CDC23: variants seen among roughly 807,000 people sequenced by gnomAD.
CDC23 encodes cell division cycle protein 23 homolog.
CDC23 carries 26 observed loss-of-function variants against 81.7 expected under a neutral mutation model. The observed-to-expected ratio is 0.32, with a 90% CI of 0.23 to 0.44. The LOEUF (loss-of-function observed/expected upper bound fraction) is 0.44. CDC23 is among the 20% of genes least tolerant of loss of function. The pLI is 1.00. For synonymous variants in CDC23, 267 were observed against 270.8 expected, an observed-to-expected ratio of 0.99 and a Z score of 0.14; for missense variants, 519 against 728.0, an observed-to-expected ratio of 0.71 and a Z score of 3.30.
chr5:138,192,730 TC>T (rs1754840378), intron 9 of CDC23, 73 bp from the exon 10 acceptor site: 13 of 1,373,370 alleles, frequency 9.5e-6, no homozygotes, highest in Admixed American at 2.0e-5. Context: ...TAGATAGCAT[TC>T]CACCAAATGG....
At chr5:138,196,518 A>C (rs569035341) in intron 9 of CDC23, among the ~76,000 whole-genome samples, 6 of 150,948 alleles carry the variant, frequency 4.0e-5, no homozygotes, top group African/African-American at 1.5e-4. Context: ...CGAACTCCTG[A>C]CCTTATGATC....
intron 6 of CDC23, chr5:138,200,801 A>G: frequency 3.9e-6 from 1 of 256,624 alleles, no homozygotes. Flanking sequence ...GCCTAGATGA[A>G]AGAGCAAGAC....
Position 138,192,415 on chromosome 5 carries a change from A to G in CDC23, c.1167-27T>C, listed in dbSNP as rs1248099053. The G allele has an allele frequency of 1.9e-6, 3 of 1,614,166 alleles. No individual in the cohort carries two copies. The East Asian group carries it at 6.7e-5, about 36-fold the overall frequency. On this transcript the variant is annotated intron_variant, in intron 10 of 15. Transcript: ENST00000394886. Reference sequence around the variant, plus strand: ...TAAGAAATGGAAAAGACAGGTTGTTAAGAAGGCAGAATCAAGGTTGGCAAC... The same window carrying G: ...TAAGAAATGGAAAAGACAGGTTGTTGAGAAGGCAGAATCAAGGTTGGCAAC...
At chr5:138,197,497 T>C (rs1561634897) in intron 9 of CDC23, among the ~76,000 whole-genome samples, 1 of 144,960 alleles carries the variant, frequency 6.9e-6, no homozygotes, top group African/African-American at 2.6e-5. Flanking sequence ...ACATATTTAT[T>C]TTTTTTTTTT....
chr5:138,201,059 C>T (rs2231475), intron 6 of CDC23, 48 bp downstream of exon 6: 3 of 1,598,132 alleles, frequency 1.9e-6, no homozygotes, highest in Admixed American at 3.5e-5. Flanking sequence ...TACAGAATTA[C>T]AAAAGGCTTG....
At chr5:138,205,524 G>C (rs1755038107) in intron 3 of CDC23, among the ~76,000 whole-genome samples, 1 of 151,982 alleles carries the variant, frequency 6.6e-6, no homozygotes, top group Admixed American at 6.6e-5. Flanking sequence ...GGTTGCCAAG[G>C]GGTCCACCTT....
chr5:138,211,477 C>G (rs1755112540), intron 2 of CDC23, among the ~76,000 whole-genome samples: 1 of 152,120 alleles, frequency 6.6e-6, no homozygotes, highest in Admixed American at 6.6e-5. Context: ...GCCTGGTAAA[C>G]AGGGTGAAAC....
intron 2 of CDC23, 100 bp from the exon 3 acceptor site, chr5:138,206,784 G>T: frequency 8.7e-7 from 1 of 1,149,098 alleles, no homozygotes; most frequent in Non-Finnish European, 1.2e-6. Flanking sequence ...AAAGAAAAAG[G>T]ATTGTTTTCT....
chr5:138,199,156 G>A lies in CDC23; in HGVS notation c.655-374C>T, dbSNP rs532739826. ...GGACAAAGAAACTAGCTTGGTTTGC[G>A]GGGAGGCTATGTACTGGGAAGTAGC... On this transcript the variant is annotated intron_variant, in intron 6 of 15. Transcript: ENST00000394886. Among the ~76,000 whole-genome samples the A allele has an allele frequency of 8.5e-5, 13 of 152,290 alleles. No individual in the cohort carries two copies. In the South Asian group the frequency reaches 2.1e-3, roughly 24 times the overall value.
chr5:138,213,271 C>T lies in CDC23; in HGVS notation c.42G>A (p.Ala14=). 1.3e-5 allele frequency: 21 copies of T among 1,614,078 alleles called. No individual in the cohort carries two copies. Among genetic ancestry groups the T allele is most frequent in the Non-Finnish European group, 1.7e-5 (20 of 1,180,042 alleles). ...TTATGGACAGGACAGGCGCCACTGC[C>T]GCCGTCACAGCCACCGGGACCATGG... ...STSMVPVAVT[A]AVAPVLSINS... Residue 14 remains alanine, a synonymous_variant, in exon 1 of 16, where the codon GCG becomes GCA. Transcript: ENST00000394886.
chr5:138,211,479 GGGTGAAACCCTGTC>G (rs1262329849), intron 2 of CDC23, among the ~76,000 whole-genome samples: 2 of 152,074 alleles, frequency 1.3e-5, no homozygotes, highest in African/African-American at 4.8e-5. Context: ...CTGGTAAACA[GGGTGAAACCCTGTC>G]CCTACTAAAA....
intron 13 of CDC23, 62 bp from the exon 14 acceptor site, chr5:138,189,968 AG>A: frequency 6.8e-7 from 1 of 1,480,108 alleles, no homozygotes. Context: ...TGATAAAAAA[AG>A]TAAAAGTACA....
chr5:138,197,409 T>TA (rs1012184406), intron 9 of CDC23, among the ~76,000 whole-genome samples: 3 of 150,400 alleles, frequency 2.0e-5, no homozygotes, highest in African/African-American at 4.9e-5. Flanking sequence ...ATCATTAAGT[T>TA]AAAAAAAAGG....
chr5:138,201,119 T>C lies in CDC23; in HGVS notation c.642A>G (p.Thr214=), dbSNP rs568375255. 14 of 1,613,790 alleles carry C rather than the reference T, an allele frequency of 8.7e-6. No individual in the cohort carries two copies. In the South Asian group the frequency reaches 1.5e-4, roughly 18 times the overall value. ...CATCACAATTTACCATCTCTTTGTC[T>C]GTGATCAGGTTACAGAGTTCTAACC... is the stretch of plus-strand genomic sequence containing the variant. ...GAWLELCNLI[T]DKEMLKFLSL... The change falls in exon 6 of 16, where the codon ACA becomes ACG. Residue 214 remains threonine, a synonymous_variant. Transcript: ENST00000394886.
chr5:138,206,241 C>A, intron 3 of CDC23: 1 of 448,158 alleles, frequency 2.2e-6, no homozygotes, highest in Non-Finnish European at 3.9e-6. Context: ...ATTTAAAAGT[C>A]AGCCCAGGCT....
chr5:138,189,019 G>A lies in CDC23; in HGVS notation c.1753C>T (p.Arg585Cys), dbSNP rs768545579. 23 of 1,613,996 alleles carry A rather than the reference G, an allele frequency of 1.4e-5. No individual in the cohort carries two copies. The Admixed American group carries it at 1.8e-4, about 13-fold the overall frequency. ...ASLSANNTPTRRVSPLNLSSV... is the reference protein window; with the variant it reads ...ASLSANNTPTCRVSPLNLSSV... ...GACAAGTTGAGTGGAGAAACTCTGC[G>A]TGTGGGGGTATTGTTAGCAGAGAGT... Residue 585 changes from arginine to cysteine, a missense_variant, in exon 16 of 16, where the codon CGC (arginine) becomes TGC (cysteine). Arg to Cys is a radical substitution (Grantham distance 180). This residue lies in a region of CDC23 where 38 missense variants were observed against 34.7 expected (regional missense o/e 1.10). Coordinates refer to ENST00000394886, the MANE Select transcript of CDC23 (RefSeq NM_004661.4).
chr5:138,192,159 TCC>T, intron 11 of CDC23, 108 bp downstream of exon 11: 1 of 1,381,364 alleles, frequency 7.2e-7, no homozygotes, highest in Admixed American at 2.2e-5. Flanking sequence ...TAACCTCAGA[TCC>T]CCAAGAGCCA....
Position 138,192,313 on chromosome 5 carries a change from C to T in CDC23, c.1242G>A (p.Met414Ile). 1 of 1,614,152 alleles carries T rather than the reference C, an allele frequency of 6.2e-7. No homozygotes were observed. The highest frequency in any genetic ancestry group is 8.5e-7 in the Non-Finnish European group (1 of 1,180,020). Residue 414 changes from methionine to isoleucine, a missense_variant, in exon 11 of 16, where the codon ATG becomes ATA. Physicochemically the swap from Met to Ile is conservative, Grantham distance 10. Around this residue, in one of 4 missense-constraint regions of CDC23, gnomAD observed 175 missense variants for 337.8 expected, o/e 0.52. Transcript: ENST00000394886. ...GLGQTYEILK[M>I]PFYCLYYYRR... is the part of the protein sequence containing the mutation. The stretch of plus-strand genomic sequence containing the variant: ...TATAATAATAAAGGCAGTAAAATGG[C>T]ATCTTAAGGATTTCATAGGTCTGCC...
intron 2 of CDC23, among the ~76,000 whole-genome samples, chr5:138,209,430 A>AAAAAGAAAAG (rs562522195): frequency 1.6e-3 from 244 of 151,184 alleles, no homozygotes; most frequent in African/African-American, 5.8e-3. Context: ...TCAAAAAAAA[A>AAAAAGAAAAG]AAAAGAAAAG....
Sources: allele counts gnomAD v4.1 joint callset (sites outside exome capture counted in the v4.1 genomes callset), GRCh38; gene constraint gnomAD v4.1.1; regional missense constraint gnomAD v4.1.1; transcripts MANE v1.5; gene names NCBI Gene and HGNC (gene_info 2026-07-23, HGNC 2026-07-21).